The following ATG7 variants were observed in gnomAD, a reference collection of about 807,000 sequenced individuals.
ATG7 encodes autophagy related 7.
A neutral mutation model predicts 82.4 loss-of-function variants in ATG7; 70 were observed. The ratio of observed to expected loss-of-function variants is 0.85; its 90% CI spans 0.70 to 1.04. The LOEUF (loss-of-function observed/expected upper bound fraction) is 1.04, where lower values mean the gene tolerates loss of function less well. Ranked by LOEUF, ATG7 falls within the 50% of genes least tolerant of loss-of-function variation. The probability of loss-of-function intolerance (pLI) is 0.00; values close to 1 mark genes in which losing one functional copy is unlikely to be tolerated. For missense variants in ATG7, 792 were observed against 864.3 expected, an observed-to-expected ratio of 0.92 and a Z score of 1.05; for synonymous variants, 287 against 313.0, an observed-to-expected ratio of 0.92 and a Z score of 0.88.
Position 11,554,808 on chromosome 3 carries a change from C to G in ATG7, c.2080-3C>G. 1 of 1,613,366 alleles carries G rather than the reference C, an allele frequency of 6.2e-7. No individual in the cohort carries two copies. Among genetic ancestry groups the G allele is most frequent in the Non-Finnish European group, 8.5e-7 (1 of 1,179,696 alleles). Reference sequence around the variant, plus strand: ...GGCTGAGCCTCTCCCCTTCTCCATGCAGATCTGGGACATGAGCGATGATGA... The same window carrying G: ...GGCTGAGCCTCTCCCCTTCTCCATGGAGATCTGGGACATGAGCGATGATGA... On this transcript the variant is annotated splice_polypyrimidine_tract_variant and splice_region_variant and intron_variant, in intron 20 of 20. Coordinates refer to ENST00000693202, the MANE Select transcript of ATG7 (RefSeq NM_001349232.2).
chr3:11,340,345 GAA>G (rs1026303970), intron 11 of ATG7, among the ~76,000 whole-genome samples: 12 of 151,412 alleles, frequency 7.9e-5, no homozygotes, highest in Middle Eastern at 3.4e-3. Context: ...CAATAACAGT[GAA>G]AGTTGAGCCA....
At chr3:11,291,104 G>A (rs1378343523) in intron 3 of ATG7, among the ~76,000 whole-genome samples, 2 of 152,158 alleles carry the variant, frequency 1.3e-5, no homozygotes, top group African/African-American at 2.4e-5. Context: ...CCATCTTGAT[G>A]TCCTTAGCAG....
intron 20 of ATG7, among the ~76,000 whole-genome samples, chr3:11,455,093 A>G (rs570389583): frequency 2.0e-5 from 3 of 152,248 alleles, no homozygotes; most frequent in Non-Finnish European, 4.4e-5. Flanking sequence ...AACAATTACT[A>G]TACAGATAGA....
At chr3:11,560,120 C>T (rs76981850), downstream of ATG7, among the ~76,000 whole-genome samples, 957 of 152,230 alleles carry the variant, frequency 6.3e-3, 7 homozygotes, top group African/African-American at 0.022. Context: ...GTTCAGATCT[C>T]TCTCTGAAGC....
intron 9 of ATG7, among the ~76,000 whole-genome samples, chr3:11,328,021 G>GGTCT (rs923257950): frequency 6.6e-6 from 1 of 152,128 alleles, no homozygotes; most frequent in African/African-American, 2.4e-5. Flanking sequence ...TGTTTTCTTT[G>GGTCT]GTCTGTAAGA....
At chr3:11,520,138 CTG>C (rs772285754) in intron 20 of ATG7, among the ~76,000 whole-genome samples, 2 of 152,154 alleles carry the variant, frequency 1.3e-5, no homozygotes, top group Non-Finnish European at 2.9e-5. Flanking sequence ...GACAAGGAAA[CTG>C]AGGCTCAGAG....
At chr3:11,379,301 A>C (rs934149504) in intron 18 of ATG7, among the ~76,000 whole-genome samples, 10 of 152,212 alleles carry the variant, frequency 6.6e-5, no homozygotes, top group Non-Finnish European at 1.2e-4. Flanking sequence ...TAAGTATAGT[A>C]TATACAGGTA....
At chr3:11,533,492 G>T (rs1294476402) in intron 20 of ATG7, among the ~76,000 whole-genome samples, 1 of 142,764 alleles carries the variant, frequency 7.0e-6, no homozygotes, top group Non-Finnish European at 1.5e-5. Flanking sequence ...ACTTTGATTT[G>T]TCTTCTCCAG....
chr3:11,545,363 C>T (rs1042459330), intron 20 of ATG7, among the ~76,000 whole-genome samples: 12 of 152,240 alleles, frequency 7.9e-5, no homozygotes, highest in Admixed American at 5.2e-4. Flanking sequence ...AGAAGAACCA[C>T]GGTGACGGAT....
intron 18 of ATG7, among the ~76,000 whole-genome samples, chr3:11,372,841 C>CCT (rs1559490569): frequency 1.3e-4 from 2 of 15,844 alleles, no homozygotes; most frequent in East Asian, 0.017. Flanking sequence ...TGTGTGCGTG[C>CCT]GTGCGTGTGC....
At chr3:11,353,359 C>A (rs899863219) in intron 14 of ATG7, among the ~76,000 whole-genome samples, 21 of 152,108 alleles carry the variant, frequency 1.4e-4, no homozygotes, top group African/African-American at 4.8e-4. Flanking sequence ...GCAGGAGAAT[C>A]ATTTGAACTG....
At chr3:11,541,459 TATA>T (rs2070827708) in intron 20 of ATG7, among the ~76,000 whole-genome samples, 2 of 152,332 alleles carry the variant, frequency 1.3e-5, no homozygotes, top group African/African-American at 4.8e-5. Context: ...CCTGAAGCTT[TATA>T]GAGTCAGTGG....
intron 9 of ATG7, among the ~76,000 whole-genome samples, chr3:11,325,865 C>T (rs1159245791): frequency 6.6e-6 from 1 of 152,144 alleles, no homozygotes. Flanking sequence ...TGCCTAGGTT[C>T]TTCCTAAGTA....
At chr3:11,298,633 C>T in intron 3 of ATG7, 53 bp from the exon 4 acceptor site, 19 of 1,501,916 alleles carry the variant, frequency 1.3e-5, no homozygotes, top group Admixed American at 6.0e-5. Context: ...TCTTTCTCAC[C>T]AGGTTTTGCA....
intron 20 of ATG7, among the ~76,000 whole-genome samples, chr3:11,457,091 C>T (rs541795290): frequency 2.6e-5 from 4 of 152,272 alleles, no homozygotes; most frequent in South Asian, 2.1e-4. Context: ...CAGTAGAAGC[C>T]GTTAAAAGGA....
chr3:11,304,325 C>T (rs1337586909), intron 5 of ATG7, among the ~76,000 whole-genome samples: 2 of 152,138 alleles, frequency 1.3e-5, no homozygotes, highest in Non-Finnish European at 2.9e-5. Flanking sequence ...GAATTACAAG[C>T]GGTCTAAGCG....
intron 1 of ATG7, among the ~76,000 whole-genome samples, chr3:11,278,144 A>G (rs1942293932): frequency 6.6e-6 from 1 of 152,170 alleles, no homozygotes; most frequent in Non-Finnish European, 1.5e-5. Context: ...TTGTTTAAAC[A>G]CACATGTTTT....
chr3:11,467,561 A>G (rs1184684976), intron 20 of ATG7, among the ~76,000 whole-genome samples: 4 of 152,112 alleles, frequency 2.6e-5, no homozygotes, highest in Admixed American at 2.6e-4. Flanking sequence ...TTTTTAGTAG[A>G]GGCGGGGTTT....
intron 20 of ATG7, among the ~76,000 whole-genome samples, chr3:11,525,867 T>C (rs1476714209): frequency 6.6e-6 from 1 of 152,136 alleles, no homozygotes; most frequent in Admixed American, 6.5e-5. Context: ...TATAGCCATT[T>C]TTAAATCAAA....
Sources: allele counts gnomAD v4.1 joint callset (sites outside exome capture counted in the v4.1 genomes callset), GRCh38; gene constraint gnomAD v4.1.1; transcripts MANE v1.5; gene names NCBI Gene and HGNC (gene_info 2026-07-23, HGNC 2026-07-21).